The following TMEM132D variants were observed in gnomAD, a reference collection of about 807,000 sequenced individuals.
TMEM132D encodes the protein transmembrane protein 132D, also known as mature OL transmembrane protein.
TMEM132D carries 21 observed loss-of-function variants against 62.3 expected under a neutral mutation model. That is an observed-to-expected ratio of 0.34 (90% CI 0.24 to 0.49). The LOEUF (loss-of-function observed/expected upper bound fraction) is 0.49, where lower values mean the gene tolerates loss of function less well. Ranked by LOEUF, TMEM132D falls within the 20% of genes least tolerant of loss-of-function variation. The pLI is 0.99. For synonymous variants in TMEM132D, 621 were observed against 575.6 expected (o/e 1.08, Z -1.13); for missense variants, 1,346 against 1,402.8 (o/e 0.96, Z 0.65).
chr12:129,282,641 G>T (rs1294943757), intron 4 of TMEM132D, among the ~76,000 whole-genome samples: 1 of 152,106 alleles, frequency 6.6e-6, no homozygotes, highest in Non-Finnish European at 1.5e-5. Flanking sequence ...TTTGGATTTT[G>T]GATCATCTGG....
intron 2 of TMEM132D, among the ~76,000 whole-genome samples, chr12:129,534,244 C>T (rs1274019177): frequency 1.3e-5 from 2 of 152,080 alleles, no homozygotes; most frequent in African/African-American, 2.4e-5. Flanking sequence ...TTTGAAGATA[C>T]TTTGCTGTAG....
At chr12:129,213,694 G>C (rs1187436908) in intron 4 of TMEM132D, among the ~76,000 whole-genome samples, 1 of 152,120 alleles carries the variant, frequency 6.6e-6, no homozygotes, top group African/African-American at 2.4e-5. Context: ...GAGAAGAACA[G>C]GGGAAGTGCC....
At chr12:129,219,103 C>T (rs553806887) in intron 4 of TMEM132D, among the ~76,000 whole-genome samples, 1 of 152,154 alleles carries the variant, frequency 6.6e-6, no homozygotes, top group Non-Finnish European at 1.5e-5. Flanking sequence ...GTGGGGCCAG[C>T]TCAGGTGATA....
intron 2 of TMEM132D, among the ~76,000 whole-genome samples, chr12:129,613,365 GTC>G (rs565950633): frequency 6.6e-6 from 1 of 152,176 alleles, no homozygotes; most frequent in South Asian, 2.1e-4. Context: ...TCTATCCACT[GTC>G]TCCTGGATCT....
At chr12:129,512,135 T>C (rs963282396) in intron 3 of TMEM132D, among the ~76,000 whole-genome samples, 3 of 152,224 alleles carry the variant, frequency 2.0e-5, no homozygotes, top group Non-Finnish European at 4.4e-5. Flanking sequence ...AAACTCCTCT[T>C]TTCCTAATAA....
Position 129,349,650 on chromosome 12 carries a change from C to T in TMEM132D, c.1116-11833G>A, listed in dbSNP as rs117615858. ...CTGCTCTAGTAAGGCCTGTTCAGCA[C>T]ACGGGAACATACCCTGGCAAAGATC... On this transcript the variant is annotated intron_variant, in intron 3 of 8. Coordinates refer to ENST00000422113, the MANE Select transcript of TMEM132D (RefSeq NM_133448.3). Among the ~76,000 whole-genome samples the T allele has an allele frequency of 2.6e-5, 4 of 152,300 alleles. No homozygotes were observed. In the East Asian group the frequency reaches 7.7e-4, roughly 29 times the overall value.
chr12:129,285,526 C>CAAAAA (rs1555244565), intron 4 of TMEM132D, among the ~76,000 whole-genome samples: 2 of 40,932 alleles, frequency 4.9e-5, no homozygotes, highest in Non-Finnish European at 9.2e-5. Context: ...GACTGTGTCT[C>CAAAAA]AAAAAAAAAA....
chr12:129,516,605 A>C (rs1203086984), intron 3 of TMEM132D, among the ~76,000 whole-genome samples: 1 of 152,152 alleles, frequency 6.6e-6, no homozygotes, highest in Non-Finnish European at 1.5e-5. Context: ...CCATGATTCC[A>C]TTATCTCCCA....
chr12:129,248,401 C>A (rs1303000551), intron 4 of TMEM132D, among the ~76,000 whole-genome samples: 5 of 152,134 alleles, frequency 3.3e-5, no homozygotes, highest in African/African-American at 1.2e-4. Flanking sequence ...AACGGTAACA[C>A]TAATGGATTA....
chr12:129,364,475 G>A (rs938527221), intron 3 of TMEM132D, among the ~76,000 whole-genome samples: 3 of 152,262 alleles, frequency 2.0e-5, no homozygotes, highest in Admixed American at 1.3e-4. Context: ...CTATGCCTAT[G>A]CAAAGCTTGT....
intron 2 of TMEM132D, among the ~76,000 whole-genome samples, chr12:129,572,131 C>T (rs1877530335): frequency 2.0e-5 from 3 of 152,210 alleles, no homozygotes; most frequent in Admixed American, 6.5e-5. Flanking sequence ...TGCCCCTTCC[C>T]GACAGCGCAC....
chr12:129,713,998 T>C (rs1868471546), intron 1 of TMEM132D, among the ~76,000 whole-genome samples: 1 of 152,218 alleles, frequency 6.6e-6, no homozygotes, highest in African/African-American at 2.4e-5. Context: ...GGACCCCAGG[T>C]AAGGTGATAG....
chr12:129,855,045 T>A (rs1009289025), intron 1 of TMEM132D: 1 of 152,836 alleles, frequency 6.5e-6, no homozygotes, highest in African/African-American at 2.4e-5. Context: ...GAGAGCCCTA[T>A]GCAAGACAAT....
chr12:129,861,745 C>T (rs1388184368), intron 1 of TMEM132D, among the ~76,000 whole-genome samples: 5 of 122,666 alleles, frequency 4.1e-5, no homozygotes, highest in African/African-American at 1.6e-4. Flanking sequence ...CAGAGAGAGA[C>T]TCTGTCTCAA....
intron 5 of TMEM132D, among the ~76,000 whole-genome samples, chr12:129,175,679 G>C (rs992945733): frequency 1.3e-5 from 2 of 152,116 alleles, no homozygotes; most frequent in African/African-American, 4.8e-5. Context: ...TTTCACTCCA[G>C]CCTGGGCAAA....
chr12:129,315,647 T>C (rs946978257), intron 4 of TMEM132D, among the ~76,000 whole-genome samples: 14 of 152,200 alleles, frequency 9.2e-5, no homozygotes, highest in African/African-American at 4.8e-5. Context: ...ATTAGGGTGA[T>C]GCTGGCTACA....
chr12:129,590,790 G>A (rs265632), intron 2 of TMEM132D, among the ~76,000 whole-genome samples: 103,285 of 152,072 alleles, frequency 0.68, 35,318 homozygotes, highest in East Asian at 0.84. Flanking sequence ...CACAGTCCAG[G>A]ACAGCTCATT....
Position 129,847,981 on chromosome 12 carries a change from C to G in TMEM132D, c.79+55280G>C, listed in dbSNP as rs1873417159. Among the ~76,000 whole-genome samples, 5 of 152,164 alleles carry G rather than the reference C, an allele frequency of 3.3e-5. No homozygotes were observed. The South Asian group carries it at 1.0e-3, about 32-fold the overall frequency. ...AATGACACAGCTGAGCTCATCGGCT[C>G]CAAGAACCTGAAATGGGGGTGTGTC... On this transcript the variant is annotated intron_variant, in intron 1 of 8. Coordinates refer to ENST00000422113, the MANE Select transcript of TMEM132D (RefSeq NM_133448.3).
In TMEM132D at chr12:129,806,998, C is replaced by T. The variant is rs187027798; in HGVS notation, c.79+96263G>A. Among the ~76,000 whole-genome samples, 208 of 152,192 alleles carry T rather than the reference C, an allele frequency of 1.4e-3. 1 individual carries two copies. Among genetic ancestry groups the T allele is most frequent in the African/African-American group, 4.9e-3 (202 of 41,524 alleles). ...GCAGTGAGCCAAGACTGCACCACTGCACTTCAGCCTGGGCAACAGAGCAAG... is the reference window on the plus strand; with the variant it reads ...GCAGTGAGCCAAGACTGCACCACTGTACTTCAGCCTGGGCAACAGAGCAAG... On this transcript the variant is annotated intron_variant, in intron 1 of 8. Coordinates refer to ENST00000422113, the MANE Select transcript of TMEM132D (RefSeq NM_133448.3).
Sources: gnomAD v4.1 joint callset for allele counts (sites outside exome capture counted in the v4.1 genomes callset) on GRCh38, gnomAD v4.1.1 for gene constraint, MANE v1.5 for transcripts, NCBI Gene and HGNC (gene_info 2026-07-23, HGNC 2026-07-21) for gene names.